Variants in NRG3 observed in about 807,000 individuals in gnomAD.
NRG3 encodes neuregulin 3.
NRG3 carries 31 observed loss-of-function variants against 66.9 expected under a neutral mutation model. The ratio of observed to expected loss-of-function variants is 0.46; its 90% CI spans 0.35 to 0.63. NRG3 has a LOEUF of 0.63. Ranked by LOEUF, NRG3 falls within the 20% of genes least tolerant of loss-of-function variation. The pLI is 0.00. For synonymous variants in NRG3, 393 were observed against 359.4 expected, an observed-to-expected ratio of 1.09 and a Z score of -1.06; for missense variants, 910 against 878.9, an observed-to-expected ratio of 1.04 and a Z score of -0.45.
At chr10:82,281,202 G>T (rs1398015652) in intron 1 of NRG3, among the ~76,000 whole-genome samples, 4 of 152,158 alleles carry the variant, frequency 2.6e-5, no homozygotes, top group Non-Finnish European at 4.4e-5. Flanking sequence ...TTGCCGTAGT[G>T]TAGGTTCCTG....
chr10:82,705,574 G>A (rs892550823), intron 2 of NRG3, among the ~76,000 whole-genome samples: 1 of 152,168 alleles, frequency 6.6e-6, no homozygotes, highest in Non-Finnish European at 1.5e-5. Context: ...TTTCTCTGAG[G>A]CTTAAAACCC....
intron 2 of NRG3, among the ~76,000 whole-genome samples, chr10:82,553,061 C>A (rs895941308): frequency 6.7e-6 from 1 of 150,206 alleles, no homozygotes; most frequent in South Asian, 2.1e-4. Context: ...ACACACACAC[C>A]CCTTTATGGG....
At chr10:82,730,986 C>T (rs2057871618) in intron 2 of NRG3, among the ~76,000 whole-genome samples, 1 of 152,140 alleles carries the variant, frequency 6.6e-6, no homozygotes, top group South Asian at 2.1e-4. Context: ...ATTCAGTTTT[C>T]CTTGCTGAGA....
intron 1 of NRG3, among the ~76,000 whole-genome samples, chr10:81,896,570 A>G (rs960177002): frequency 2.6e-5 from 4 of 151,962 alleles, no homozygotes; most frequent in South Asian, 2.1e-4. Context: ...TGACTTTTCA[A>G]TCTCTCCTTA....
In NRG3 at chr10:82,985,224, G is replaced by A; in HGVS notation, c.1710G>A (p.Arg570=). Residue 570 remains arginine, a synonymous_variant, in exon 9 of 9, where the codon AGG becomes AGA. Coordinates refer to ENST00000372141, the MANE Select transcript of NRG3 (RefSeq NM_001010848.4). ...ACCTGGTGGGCTATTCATCCACAAGGGCCAGTTCTGTGCCCATCATCCCTT... is the reference window on the plus strand; with the variant it reads ...ACCTGGTGGGCTATTCATCCACAAGAGCCAGTTCTGTGCCCATCATCCCTT... The part of the protein sequence containing the change: ...QKDLVGYSST[R]ASSVPIIPSV... 3 of 1,614,082 alleles carry A rather than the reference G, an allele frequency of 1.9e-6. No individual in the cohort carries two copies. The highest frequency in any genetic ancestry group is 2.5e-6 in the Non-Finnish European group (3 of 1,179,998).
intron 2 of NRG3, among the ~76,000 whole-genome samples, chr10:82,634,923 A>G (rs1481843748): frequency 1.3e-5 from 2 of 152,190 alleles, no homozygotes; most frequent in African/African-American, 4.8e-5. Flanking sequence ...ATGAGGAAAA[A>G]GGAAGACAGT....
intron 3 of NRG3, among the ~76,000 whole-genome samples, chr10:82,740,686 T>C (rs2058379487): frequency 6.6e-6 from 1 of 151,546 alleles, no homozygotes; most frequent in African/African-American, 2.4e-5. Flanking sequence ...TAGCCTGGTA[T>C]GGTGGCAAGT....
At chr10:82,470,571 T>C (rs1015428860) in intron 2 of NRG3, among the ~76,000 whole-genome samples, 21 of 152,338 alleles carry the variant, frequency 1.4e-4, no homozygotes, top group African/African-American at 4.8e-4. Flanking sequence ...CAGAGGCCCA[T>C]GACTGCCTAA....
chr10:82,531,382 A>T (rs1388886765), intron 2 of NRG3, among the ~76,000 whole-genome samples: 2 of 151,820 alleles, frequency 1.3e-5, no homozygotes, highest in Admixed American at 1.3e-4. Flanking sequence ...GTTATTTTTT[A>T]CATGTTCAAA....
chr10:82,149,158 G>A (rs906148053), intron 1 of NRG3, among the ~76,000 whole-genome samples: 9 of 151,988 alleles, frequency 5.9e-5, no homozygotes, highest in African/African-American at 1.7e-4. Context: ...CCCAATGAAT[G>A]ATAGTTTGAG....
At chr10:82,487,125 T>G (rs1842751552) in intron 2 of NRG3, among the ~76,000 whole-genome samples, 1 of 148,516 alleles carries the variant, frequency 6.7e-6, no homozygotes, top group Non-Finnish European at 1.5e-5. Context: ...ATTATATAGA[T>G]ATATATATAA....
At chr10:82,908,680 A>C (rs577470082) in intron 4 of NRG3, among the ~76,000 whole-genome samples, 1 of 152,354 alleles carries the variant, frequency 6.6e-6, no homozygotes, top group Admixed American at 6.5e-5. Context: ...GAGGGAATCC[A>C]GGTGCATGTA....
At chr10:82,117,174 G>A (rs575291207) in intron 1 of NRG3, among the ~76,000 whole-genome samples, 13 of 152,148 alleles carry the variant, frequency 8.5e-5, no homozygotes, top group African/African-American at 2.4e-4. Context: ...TCCCCCAGGC[G>A]GAAATAGTTC....
At chr10:82,452,305 T>A (rs978307795) in intron 2 of NRG3, among the ~76,000 whole-genome samples, 26 of 152,254 alleles carry the variant, frequency 1.7e-4, no homozygotes, top group African/African-American at 6.0e-4. Context: ...ATTCACTACA[T>A]CTGCTGAATC....
At chr10:82,352,728 C>T (rs1439212935) in intron 1 of NRG3, among the ~76,000 whole-genome samples, 7 of 152,088 alleles carry the variant, frequency 4.6e-5, no homozygotes, top group Middle Eastern at 6.8e-3. Flanking sequence ...GAAATTTAAA[C>T]AATTGTGGCT....
At chr10:82,256,905 C>G (rs949652404) in intron 1 of NRG3, among the ~76,000 whole-genome samples, 1 of 152,122 alleles carries the variant, frequency 6.6e-6, no homozygotes, top group African/African-American at 2.4e-5. Flanking sequence ...TTTCTACTCT[C>G]TAGGAAATGA....
intron 2 of NRG3, among the ~76,000 whole-genome samples, chr10:82,547,586 GATGTATATATGT>G (rs561736617): frequency 2.1e-3 from 322 of 150,778 alleles, no homozygotes; most frequent in African/African-American, 7.2e-3. Context: ...TATATACATT[GATGTATATATGT>G]ATGTATATAT....
rs753268738 is a variant in NRG3 at position 82,395,931 on chromosome 10, ATATT to A, written c.953+37070_953+37073del. Reference sequence around the variant, plus strand: ...GAGAAATAAAAAAATAGAAAGACTAATATTTATTTAGTAAAATGTAATTTAAGAT... The same window carrying A: ...GAGAAATAAAAAAATAGAAAGACTAATATTTAGTAAAATGTAATTTAAGAT... On this transcript the variant is annotated intron_variant, in intron 2 of 8. Coordinates refer to ENST00000372141, the MANE Select transcript of NRG3 (RefSeq NM_001010848.4). Among the ~76,000 whole-genome samples, 72 of 152,336 alleles carry A rather than the reference ATATT, an allele frequency of 4.7e-4. 1 individual carries two copies. Among genetic ancestry groups the A allele is most frequent in the Non-Finnish European group, 8.7e-4 (59 of 68,024 alleles).
intron 1 of NRG3, among the ~76,000 whole-genome samples, chr10:81,984,701 G>T (rs766924246): frequency 3.6e-4 from 55 of 152,146 alleles, no homozygotes; most frequent in Middle Eastern, 6.8e-3. Flanking sequence ...TGTTTCAAAG[G>T]CATCTTGAAT....
Sources: allele counts gnomAD v4.1 joint callset (sites outside exome capture counted in the v4.1 genomes callset), GRCh38; gene constraint gnomAD v4.1.1; transcripts MANE v1.5; gene names NCBI Gene and HGNC (gene_info 2026-07-23, HGNC 2026-07-21).